Variants in EHMT1 observed in about 807,000 individuals in gnomAD.
EHMT1 encodes the protein histone-lysine N-methyltransferase EHMT1.
In EHMT1, 15 loss-of-function variants were observed where a neutral mutation model predicts 147.2. The ratio of observed to expected loss-of-function variants is 0.10; its 90% CI spans 0.07 to 0.16. EHMT1 has a LOEUF of 0.16. EHMT1 is among the 10% of genes least tolerant of loss of function. EHMT1 has a pLI of 1.00. For synonymous variants in EHMT1, 795 were observed against 709.6 expected, an observed-to-expected ratio of 1.12 and a Z score of -1.91; for missense variants, 1,587 against 1,772.4, an observed-to-expected ratio of 0.90 and a Z score of 1.88.
chr9:137,790,725 C>T (rs1952460921), intron 15 of EHMT1, 123 bp from the exon 16 acceptor site: 3 of 1,361,990 alleles, frequency 2.2e-6, no homozygotes, highest in South Asian at 1.2e-5. Flanking sequence ...AAAACTCAGA[C>T]ATTGTTGGTC....
intron 3 of EHMT1, 140 bp downstream of exon 3, chr9:137,717,322 G>T (rs1271603638): frequency 8.8e-7 from 1 of 1,138,630 alleles, no homozygotes. Flanking sequence ...CTAGGAGAAG[G>T]CCGGGAGCAG....
chr9:137,705,849 AC>A (rs1944223141), intron 1 of EHMT1, among the ~76,000 whole-genome samples: 1 of 152,114 alleles, frequency 6.6e-6, no homozygotes, highest in Admixed American at 6.5e-5. Flanking sequence ...CTGCCCTGGT[AC>A]CTGTACTGAC....
rs2136064301 is a variant in EHMT1 at position 137,744,045 on chromosome 9, C to G, written c.1125C>G (p.Ser375Arg). The G allele has an allele frequency of 6.2e-7, 1 of 1,614,138 alleles. No homozygotes were observed. The highest frequency in any genetic ancestry group is 8.5e-7 in the Non-Finnish European group (1 of 1,180,038). ...CGGCCGCGTTCCCCACAGAGGACAG[C>G]AGGACTTCCAAGGAGAGCATGTCGG... Reference protein sequence around the residue: ...EQAAAFPTEDSRTSKESMSEA... With the variant: ...EQAAAFPTEDRRTSKESMSEA... The change falls in exon 6 of 27, where the codon AGC becomes AGG. Residue 375 changes from serine to arginine, a missense_variant. Ser to Arg is a moderately radical substitution (Grantham distance 110). Transcript: ENST00000460843.
intron 23 of EHMT1, chr9:137,817,206 C>T (rs2132785927): frequency 1.6e-6 from 1 of 607,462 alleles, no homozygotes; most frequent in East Asian, 2.9e-5. Context: ...ACGGCCAGGA[C>T]CAGTGACTTG....
At chr9:137,654,287 G>C (rs572152908) in intron 1 of EHMT1, among the ~76,000 whole-genome samples, 1 of 152,136 alleles carries the variant, frequency 6.6e-6, no homozygotes, top group Non-Finnish European at 1.5e-5. Context: ...TCGCTTGGAC[G>C]TGGGAGATGG....
chr9:137,620,312 C>T lies in EHMT1; in HGVS notation c.21+1263C>T, dbSNP rs1842876543. ...ATGAATTCTATCATTTATGAAGTAC[C>T]CACTGGATCCCACACACTGTGCAAG... On this transcript the variant is annotated intron_variant, in intron 1 of 26. Coordinates refer to ENST00000460843, the MANE Select transcript of EHMT1 (RefSeq NM_024757.5). Among the ~76,000 whole-genome samples, 2 of 152,238 alleles carry T rather than the reference C, an allele frequency of 1.3e-5. 1 individual carries two copies. The highest frequency in any genetic ancestry group is 6.8e-3 in the Middle Eastern group (2 of 294).
intron 10 of EHMT1, among the ~76,000 whole-genome samples, chr9:137,771,886 G>T (rs1313505650): frequency 6.6e-6 from 1 of 152,128 alleles, no homozygotes; most frequent in East Asian, 1.9e-4. Context: ...TCGCTCAGGA[G>T]CGGGGCCCAC....
At chr9:137,794,229 T>G (rs1181888673) in intron 16 of EHMT1, among the ~76,000 whole-genome samples, 1 of 152,224 alleles carries the variant, frequency 6.6e-6, no homozygotes. Flanking sequence ...TTTGAATATT[T>G]AATATTTATC....
rs762548357 is a variant in EHMT1, at chr9:137,787,269, C to G, written c.2383-3579C>G. ...ATCTCCCCCACGCCCCTACCAAGAC[C>G]ACGTAGGGTCCAGTCTTGATTCCCT... On this transcript the variant is annotated intron_variant, in intron 15 of 26. Coordinates refer to ENST00000460843, the MANE Select transcript of EHMT1 (RefSeq NM_024757.5). The surrounding 1 kb of genome is among the most constrained non-coding windows in gnomAD (Gnocchi z 4.2). 22 of 153,312 alleles carry G rather than the reference C, an allele frequency of 1.4e-4. No homozygotes were observed. Among genetic ancestry groups the G allele is most frequent in the Admixed American group, 2.6e-4 (4 of 15,388 alleles). The allele number at this position is 153,312 out of a possible 1,614,324, so 9.5% of individuals were successfully genotyped here. A position where few individuals can be genotyped will look rare whatever the true frequency, so the allele number is the denominator to read the frequency against.
In EHMT1 at chr9:137,782,502, T is replaced by C. The variant is rs936911918; in HGVS notation, c.2382+105T>C. 6.4e-6 allele frequency: 7 copies of C among 1,088,902 alleles called. No homozygotes were observed. The African/African-American group carries it at 1.1e-4, about 17-fold the overall frequency. The allele number at this position is 1,088,902 out of a possible 1,614,324, so 67.5% of individuals were successfully genotyped here. On this transcript the variant is annotated intron_variant, in intron 15 of 26. Transcript: ENST00000460843. The surrounding 1 kb of genome is among the most constrained non-coding windows in gnomAD (Gnocchi z 5.7). ...CGGTTCTTCCAGTGTAAGAGTTCCG[T>C]AGTGCTGTGAATCGGGCACAGAGTC...
intron 1 of EHMT1, among the ~76,000 whole-genome samples, chr9:137,678,023 G>C (rs1021331046): frequency 6.6e-6 from 1 of 151,972 alleles, no homozygotes; most frequent in Non-Finnish European, 1.5e-5. Context: ...GAACCAAGAT[G>C]GCGCCACTGC....
chr9:137,735,236 G>A (rs1947432757), intron 4 of EHMT1, among the ~76,000 whole-genome samples: 1 of 152,188 alleles, frequency 6.6e-6, no homozygotes, highest in Non-Finnish European at 1.5e-5. Context: ...ATGTAGTTTT[G>A]TGACATCAGC....
intron 1 of EHMT1, among the ~76,000 whole-genome samples, chr9:137,647,946 A>C (rs1402692872): frequency 1.3e-5 from 2 of 151,978 alleles, no homozygotes; most frequent in Non-Finnish European, 2.9e-5. Context: ...TTTTCTTCAG[A>C]GCATTCGTAC....
intron 1 of EHMT1, among the ~76,000 whole-genome samples, chr9:137,626,783 ATTT>A (rs1310956717): frequency 2.3e-5 from 3 of 133,022 alleles, no homozygotes; most frequent in African/African-American, 2.8e-5. Flanking sequence ...CTCTTGCAGA[ATTT>A]TTTTTTTTTT....
At chr9:137,756,614 G>C (rs1180047475) in intron 8 of EHMT1, among the ~76,000 whole-genome samples, 1 of 152,166 alleles carries the variant, frequency 6.6e-6, no homozygotes, top group African/African-American at 2.4e-5. Flanking sequence ...CTTCACCTCA[G>C]TTTATTGATT....
intron 3 of EHMT1, among the ~76,000 whole-genome samples, chr9:137,723,149 T>C (rs1245879427): frequency 4.0e-5 from 5 of 123,684 alleles, no homozygotes; most frequent in East Asian, 2.6e-4. Context: ...CCGGGGTGTG[T>C]CTGTGTCCGT....
At chr9:137,759,075 C>T (rs1949605743) in intron 9 of EHMT1, among the ~76,000 whole-genome samples, 1 of 151,898 alleles carries the variant, frequency 6.6e-6, no homozygotes, top group Non-Finnish European at 1.5e-5. Context: ...TGCAATGAGC[C>T]GAGATGGCAC....
chr9:137,835,012 G>A lies in EHMT1; in HGVS notation c.*59G>A. On this transcript the variant is annotated 3_prime_UTR_variant, in exon 27 of 27. Transcript: ENST00000460843. ...GGGACCGCCGCGTCGCCGATTAGAG[G>A]ACGAGGAGGAGAGATTCCGCACGCA... 3 of 1,358,036 alleles carry A rather than the reference G, an allele frequency of 2.2e-6. No homozygotes were observed. The highest frequency in any genetic ancestry group is 2.8e-6 in the Non-Finnish European group (3 of 1,061,770). 84.1% of individuals were successfully genotyped at this position (1,358,036 alleles called of 1,614,324 possible). A position where few individuals can be genotyped will look rare whatever the true frequency, so the allele number is the denominator to read the frequency against.
intron 18 of EHMT1, among the ~76,000 whole-genome samples, chr9:137,808,330 C>T (rs542271512): frequency 3.3e-5 from 5 of 152,292 alleles, no homozygotes; most frequent in East Asian, 1.9e-4. Context: ...CTACCCCCTG[C>T]GCCATGGTTG....
Sources: allele counts gnomAD v4.1 joint callset (sites outside exome capture counted in the v4.1 genomes callset), GRCh38; gene constraint gnomAD v4.1.1; non-coding constraint Gnocchi (gnomAD v3.1); transcripts MANE v1.5; gene names NCBI Gene and HGNC (gene_info 2026-07-23, HGNC 2026-07-21).